MSRA: variants seen among roughly 807,000 people sequenced by gnomAD.
MSRA encodes the protein mitochondrial peptide methionine sulfoxide reductase.
In MSRA, 54 loss-of-function variants were observed where a neutral mutation model predicts 31.3. The ratio of observed to expected loss-of-function variants is 1.73; its 90% confidence interval spans 1.39 to 2.17. The LOEUF is 2.17. Ranked by LOEUF, MSRA falls within the 30% of genes most tolerant of loss-of-function variation. MSRA has a pLI of 0.00. For missense variants in MSRA, 507 were observed against 300.9 expected (o/e 1.69, Z -5.07); for synonymous variants, 169 against 116.5 (o/e 1.45, Z -2.90).
intron 5 of MSRA, among the ~76,000 whole-genome samples, chr8:10,338,116 CTG>C (rs1266224379): frequency 1.3e-5 from 2 of 152,140 alleles, no homozygotes; most frequent in East Asian, 3.9e-4. Flanking sequence ...GGAAAGAAAA[CTG>C]TGAACCACTG....
chr8:10,287,020 C>G (rs1413915807), intron 3 of MSRA, among the ~76,000 whole-genome samples: 1 of 152,190 alleles, frequency 6.6e-6, no homozygotes, highest in South Asian at 2.1e-4. Flanking sequence ...GTGCCAATGC[C>G]CTTGGCACAG....
chr8:10,363,985 G>C (rs542678416), intron 5 of MSRA, among the ~76,000 whole-genome samples: 1 of 152,192 alleles, frequency 6.6e-6, no homozygotes, highest in East Asian at 1.9e-4. Context: ...ACCTAACTGA[G>C]GGTGGGAGTA....
At chr8:10,122,678 C>A (rs1048226837) in intron 1 of MSRA, among the ~76,000 whole-genome samples, 1 of 151,932 alleles carries the variant, frequency 6.6e-6, no homozygotes, top group Non-Finnish European at 1.5e-5. Flanking sequence ...TGCTCTTGTC[C>A]TTCCTCCTGC....
intron 2 of MSRA, among the ~76,000 whole-genome samples, chr8:10,243,567 T>C (rs1797452200): frequency 6.6e-6 from 1 of 152,220 alleles, no homozygotes; most frequent in African/African-American, 2.4e-5. Flanking sequence ...CTTATGTTAT[T>C]TCTTTGAATA....
At chr8:10,235,483 G>C (rs565059026) in intron 2 of MSRA, among the ~76,000 whole-genome samples, 1 of 152,168 alleles carries the variant, frequency 6.6e-6, no homozygotes, top group African/African-American at 2.4e-5. Context: ...AAGAAGGTAG[G>C]AAATGAGCAG....
At chr8:10,421,922 G>C (rs1406755476) in intron 5 of MSRA, among the ~76,000 whole-genome samples, 2 of 152,184 alleles carry the variant, frequency 1.3e-5, no homozygotes, top group Non-Finnish European at 2.9e-5. Context: ...GGCAGGATAG[G>C]CAGGCTAGCT....
At chr8:10,354,926 A>T (rs1004863241) in intron 5 of MSRA, among the ~76,000 whole-genome samples, 2 of 152,178 alleles carry the variant, frequency 1.3e-5, no homozygotes, top group African/African-American at 4.8e-5. Flanking sequence ...CGTGATGAGC[A>T]TACTTACAGC....
rs142059757 is a variant in MSRA at position 10,389,504 on chromosome 8, T to G, written c.544-38644T>G. 3.4e-3 allele frequency among the ~76,000 whole-genome samples: 523 copies of G among 152,366 alleles called. 2 individuals are homozygous for G. Among genetic ancestry groups the G allele is most frequent in the Admixed American group, 8.5e-3 (130 of 15,302 alleles). ...CATCCAATTACAAGTTTCTTGTTACTACTTCAGTAATCAAATTATTCTTTT... is the reference window on the plus strand; with the variant it reads ...CATCCAATTACAAGTTTCTTGTTACGACTTCAGTAATCAAATTATTCTTTT... On this transcript the variant is annotated intron_variant, in intron 5 of 5. Transcript: ENST00000317173.
At chr8:10,103,956 C>G (rs73528936) in intron 1 of MSRA, among the ~76,000 whole-genome samples, 1 of 152,024 alleles carries the variant, frequency 6.6e-6, no homozygotes, top group East Asian at 1.9e-4. Context: ...ATACATGTAG[C>G]CATAAACAAT....
intron 2 of MSRA, among the ~76,000 whole-genome samples, chr8:10,234,128 T>C (rs1281796841): frequency 1.3e-5 from 2 of 152,132 alleles, no homozygotes; most frequent in East Asian, 3.8e-4. Flanking sequence ...TTATAACTCA[T>C]AGACAGTTAC....
intron 3 of MSRA, among the ~76,000 whole-genome samples, chr8:10,294,642 A>C (rs1055553983): frequency 6.6e-6 from 1 of 152,132 alleles, no homozygotes; most frequent in Admixed American, 6.5e-5. Flanking sequence ...GCTGACTGCA[A>C]TGTGGCAGTC....
At chr8:10,243,449 ATACT>A (rs1173973066) in intron 2 of MSRA, among the ~76,000 whole-genome samples, 1 of 152,202 alleles carries the variant, frequency 6.6e-6, no homozygotes, top group Non-Finnish European at 1.5e-5. Context: ...AGACCTGTGG[ATACT>A]TAATTTTTAT....
chr8:10,103,522 C>G (rs1799671495), intron 1 of MSRA, among the ~76,000 whole-genome samples: 1 of 152,052 alleles, frequency 6.6e-6, no homozygotes, highest in South Asian at 2.1e-4. Flanking sequence ...ATACCAATAT[C>G]AAAGGGTTGT....
intron 1 of MSRA, among the ~76,000 whole-genome samples, chr8:10,062,327 T>C (rs926434372): frequency 6.6e-6 from 1 of 152,226 alleles, no homozygotes; most frequent in South Asian, 2.1e-4. Context: ...CAAGAGATGC[T>C]TTCAGGATGT....
chr8:10,101,838 G>T (rs1397285810), intron 1 of MSRA, among the ~76,000 whole-genome samples: 2 of 152,170 alleles, frequency 1.3e-5, no homozygotes, highest in Admixed American at 1.3e-4. Context: ...GAATAATGGT[G>T]CTATGAACAT....
chr8:10,134,746 A>G (rs547578765), intron 1 of MSRA, among the ~76,000 whole-genome samples: 3 of 152,372 alleles, frequency 2.0e-5, no homozygotes, highest in South Asian at 4.1e-4. Flanking sequence ...GTCTTCTCCT[A>G]TGGCAGAACA....
intron 1 of MSRA, among the ~76,000 whole-genome samples, chr8:10,056,916 CT>C (rs1484341981): frequency 2.0e-5 from 3 of 152,162 alleles, no homozygotes; most frequent in East Asian, 3.9e-4. Context: ...AGGCCTGTTT[CT>C]TTAGTGCGTT....
intron 1 of MSRA, among the ~76,000 whole-genome samples, chr8:10,185,726 G>C (rs893608608): frequency 5.3e-5 from 8 of 152,174 alleles, no homozygotes; most frequent in African/African-American, 1.9e-4. Flanking sequence ...TCCTGGATGA[G>C]GCCTGAACTG....
intron 5 of MSRA, among the ~76,000 whole-genome samples, chr8:10,363,556 C>G (rs1317294068): frequency 6.6e-6 from 1 of 152,116 alleles, no homozygotes; most frequent in Non-Finnish European, 1.5e-5. Context: ...TAGTAGTCCC[C>G]TTAGCCTGTA....
Sources: gnomAD v4.1 joint callset for allele counts (sites outside exome capture counted in the v4.1 genomes callset) on GRCh38, gnomAD v4.1.1 for gene constraint, MANE v1.5 for transcripts, NCBI Gene and HGNC (gene_info 2026-07-23, HGNC 2026-07-21) for gene names.